The following AMBRA1 variants were observed in gnomAD, a reference collection of about 807,000 sequenced individuals.
The protein encoded by AMBRA1 is activating molecule in BECN1-regulated autophagy protein 1.
AMBRA1 carries 47 observed loss-of-function variants against 125.4 expected under a neutral mutation model. The observed-to-expected ratio is 0.37, with a 90% CI of 0.30 to 0.48. The LOEUF (loss-of-function observed/expected upper bound fraction) is 0.48, where lower values mean the gene tolerates loss of function less well. Among genes scored for constraint, AMBRA1 ranks in the 20% least tolerant of loss-of-function variants. The pLI, the probability that AMBRA1 is intolerant of heterozygous loss-of-function variation, is 0.99. For missense variants in AMBRA1, 1,331 were observed against 1,693.4 expected, an observed-to-expected ratio of 0.79 and a Z score of 3.76; for synonymous variants, 626 against 655.5, an observed-to-expected ratio of 0.95 and a Z score of 0.69.
At chr11:46,547,788 A>C (rs1265330812) in intron 3 of AMBRA1, 29 bp downstream of exon 3, 1 of 1,595,976 alleles carries the variant, frequency 6.3e-7, no homozygotes, top group Admixed American at 1.7e-5. Context: ...GTTATCACAA[A>C]TCTTAAGTTA....
At chr11:46,401,677 C>G (rs899294338) in intron 17 of AMBRA1, among the ~76,000 whole-genome samples, 2 of 152,212 alleles carry the variant, frequency 1.3e-5, no homozygotes, top group African/African-American at 4.8e-5. Context: ...CAAGTCTGAG[C>G]CCACTGCTTG....
At chr11:46,408,386 A>C in intron 17 of AMBRA1, 127 bp downstream of exon 17, 1 of 1,000,072 alleles carries the variant, frequency 1.0e-6, no homozygotes, top group Admixed American at 3.8e-5. Context: ...GCTGCTGAGG[A>C]GGCTCTTAAT....
At chr11:46,449,279 G>C (rs1241506627) in intron 11 of AMBRA1, among the ~76,000 whole-genome samples, 1 of 152,142 alleles carries the variant, frequency 6.6e-6, no homozygotes, top group Non-Finnish European at 1.5e-5. Flanking sequence ...TGACATCACT[G>C]TCTAATCCCA....
At chr11:46,415,229 T>A (rs1399233870) in intron 15 of AMBRA1, among the ~76,000 whole-genome samples, 8 of 152,210 alleles carry the variant, frequency 5.3e-5, no homozygotes, top group African/African-American at 1.9e-4. Context: ...AGACCACTCA[T>A]CTGTAGACCG....
chr11:46,582,639 T>C (rs964683680), intron 1 of AMBRA1, among the ~76,000 whole-genome samples: 3 of 152,218 alleles, frequency 2.0e-5, no homozygotes, highest in African/African-American at 7.2e-5. Flanking sequence ...ATCCTGGTTC[T>C]GCCATTTGCT....
At chr11:46,514,519 T>A (rs1449422169) in intron 7 of AMBRA1, among the ~76,000 whole-genome samples, 1 of 152,208 alleles carries the variant, frequency 6.6e-6, no homozygotes, top group African/African-American at 2.4e-5. Flanking sequence ...TTCAGTAACA[T>A]CACTGTGGTT....
rs1236398485 is a variant in AMBRA1 at position 46,443,138 on chromosome 11, T to C, written c.2632+350A>G. 3.3e-5 allele frequency among the ~76,000 whole-genome samples: 5 copies of C among 152,220 alleles called. No homozygotes were observed. The East Asian group carries it at 9.6e-4, about 29-fold the overall frequency. ...AGATTTCTCTGCTCTGAAGAGTTTG[T>C]GGACTAGTAGTTCACTGGTCAAAAC... On this transcript the variant is annotated intron_variant, in intron 12 of 17. Transcript: ENST00000683756.
intron 11 of AMBRA1, among the ~76,000 whole-genome samples, chr11:46,469,704 C>T (rs529593363): frequency 6.6e-6 from 1 of 152,130 alleles, no homozygotes; most frequent in African/African-American, 2.4e-5. Context: ...CACTCTGTTG[C>T]CCCAGGGTGG....
intron 8 of AMBRA1, among the ~76,000 whole-genome samples, chr11:46,509,510 C>T (rs1951181571): frequency 6.6e-6 from 1 of 152,070 alleles, no homozygotes; most frequent in South Asian, 2.1e-4. Flanking sequence ...AGTTCATTTG[C>T]AACATTGTCA....
intron 1 of AMBRA1, among the ~76,000 whole-genome samples, chr11:46,557,536 A>T (rs529215623): frequency 3.0e-4 from 45 of 152,126 alleles, no homozygotes; most frequent in African/African-American, 1.0e-3. Context: ...AGCCAGGCAC[A>T]GTGGCTCACA....
In AMBRA1 at chr11:46,548,461, T is replaced by G; in HGVS notation, c.-81A>C. The G allele has an allele frequency of 6.3e-7, 1 of 1,578,156 alleles. No individual in the cohort carries two copies. Among genetic ancestry groups the G allele is most frequent in the Admixed American group, 1.7e-5 (1 of 58,514 alleles). On this transcript the variant is annotated 5_prime_UTR_variant, in exon 2 of 18. Transcript: ENST00000683756. ...CTCCAACACACTGAAGCAGCTAAAA[T>G]GAGGCCATACAGGTCCTTGTAAGTT...
chr11:46,582,845 T>A (rs1340833719), intron 1 of AMBRA1, among the ~76,000 whole-genome samples: 1 of 150,470 alleles, frequency 6.6e-6, no homozygotes, highest in African/African-American at 2.5e-5. Context: ...ATTTGCTAGA[T>A]AAACAAAAGT....
At chr11:46,469,654 T>C (rs1189747096) in intron 11 of AMBRA1, among the ~76,000 whole-genome samples, 2 of 152,118 alleles carry the variant, frequency 1.3e-5, no homozygotes, top group East Asian at 1.9e-4. Context: ...CTTAGCAACA[T>C]ATATTTCTTT....
At chr11:46,410,485 G>A (rs1946233815) in intron 15 of AMBRA1, 117 bp from the exon 16 acceptor site, 8 of 865,172 alleles carry the variant, frequency 9.2e-6, no homozygotes, top group South Asian at 1.4e-5. Flanking sequence ...TCTCTCTCCT[G>A]GGGCTGAGCT....
chr11:46,423,546 C>T (rs1015889756), intron 14 of AMBRA1, among the ~76,000 whole-genome samples: 1 of 151,808 alleles, frequency 6.6e-6, no homozygotes, highest in African/African-American at 2.4e-5. Flanking sequence ...CGCCTGCCAC[C>T]ACGCCCGGCT....
chr11:46,541,467 A>G (rs1952737551), intron 7 of AMBRA1, among the ~76,000 whole-genome samples: 1 of 152,202 alleles, frequency 6.6e-6, no homozygotes, highest in African/African-American at 2.4e-5. Flanking sequence ...CAGTGTTCCA[A>G]AAGATAAGGA....
At chr11:46,560,607 T>G (rs778159170) in intron 1 of AMBRA1, among the ~76,000 whole-genome samples, 2 of 152,174 alleles carry the variant, frequency 1.3e-5, no homozygotes, top group Admixed American at 6.5e-5. Flanking sequence ...AAGTTTTATC[T>G]GCAAATTATT....
chr11:46,533,736 T>C (rs1457896242), intron 7 of AMBRA1, among the ~76,000 whole-genome samples: 1 of 152,138 alleles, frequency 6.6e-6, no homozygotes, highest in Admixed American at 6.5e-5. Context: ...AGTTATCTTT[T>C]TAAAATATAA....
At chr11:46,413,016 G>T (rs1398740489) in intron 15 of AMBRA1, among the ~76,000 whole-genome samples, 5 of 152,214 alleles carry the variant, frequency 3.3e-5, no homozygotes, top group African/African-American at 1.2e-4. Context: ...GGGCTGGTTA[G>T]TGACAACAAA....
Sources: allele counts gnomAD v4.1 joint callset (sites outside exome capture counted in the v4.1 genomes callset), GRCh38; gene constraint gnomAD v4.1.1; transcripts MANE v1.5; gene names NCBI Gene and HGNC (gene_info 2026-07-23, HGNC 2026-07-21).